The following CARF variants were observed in gnomAD, a reference collection of about 807,000 sequenced individuals.
CARF encodes calcium-responsive transcription factor.
A neutral mutation model predicts 82.0 loss-of-function variants in CARF; 57 were observed. The observed-to-expected ratio is 0.70, with a 90% CI of 0.56 to 0.87. CARF has a LOEUF of 0.87. Among genes scored for constraint, CARF ranks in the 40% least tolerant of loss-of-function variants. The pLI is 0.00. For missense variants in CARF, 771 were observed against 855.8 expected (o/e 0.90, Z 1.24); for synonymous variants, 268 against 290.1 (o/e 0.92, Z 0.77).
intron 8 of CARF, among the ~76,000 whole-genome samples, chr2:202,956,484 G>A (rs895835427): frequency 6.6e-6 from 1 of 152,004 alleles, no homozygotes; most frequent in African/African-American, 2.4e-5. Flanking sequence ...TCAAACTCCT[G>A]AGGTGATCTA....
At chr2:202,952,489 TTTAA>T (rs1414871181) in intron 5 of CARF, 66 bp from the exon 6 acceptor site, 10 of 1,406,258 alleles carry the variant, frequency 7.1e-6, no homozygotes, top group Admixed American at 1.9e-5. Context: ...TAATAATTTA[TTTAA>T]TTAATAATTT....
At position 202,918,056 on chromosome 2, in the gene CARF, A is replaced by T; in HGVS notation, c.-163+13A>T. Reference sequence around the variant, plus strand: ...CCACTATCTGAAGGTAATTTTTTTTAACTAATTGAAAGTAACAACTTTATT... The same window carrying T: ...CCACTATCTGAAGGTAATTTTTTTTTACTAATTGAAAGTAACAACTTTATT... On this transcript the variant is annotated intron_variant, in intron 2 of 16. Coordinates refer to ENST00000438828, the MANE Select transcript of CARF (RefSeq NM_024744.17). 2.2e-6 allele frequency: 1 copy of T among 447,002 alleles called. No individual in the cohort carries two copies. The highest frequency in any genetic ancestry group is 1.6e-5 in the South Asian group (1 of 61,666). The allele number at this position is 447,002 out of a possible 1,614,324, so 27.7% of individuals were successfully genotyped here.
chr2:202,979,836 T>C lies in CARF; in HGVS notation c.1559-1719T>C, dbSNP rs572076275. Among the ~76,000 whole-genome samples, 4 of 151,890 alleles carry C rather than the reference T, an allele frequency of 2.6e-5. No individual in the cohort carries two copies. The East Asian group carries it at 7.7e-4, about 29-fold the overall frequency. ...AGAAAGAAAAGAAAAGAAACTGAGTTATATAGCGTATTGAAGGTGACACAG... is the reference window on the plus strand; with the variant it reads ...AGAAAGAAAAGAAAAGAAACTGAGTCATATAGCGTATTGAAGGTGACACAG... On this transcript the variant is annotated intron_variant, in intron 14 of 16. Transcript: ENST00000438828.
At chr2:202,959,640 G>A (rs1161989328) in intron 8 of CARF, among the ~76,000 whole-genome samples, 2 of 151,994 alleles carry the variant, frequency 1.3e-5, no homozygotes, top group Non-Finnish European at 2.9e-5. Flanking sequence ...TCAACATGGC[G>A]AAACCCTGTC....
chr2:202,970,123 T>G, intron 11 of CARF, 61 bp downstream of exon 11: 2 of 1,399,012 alleles, frequency 1.4e-6, no homozygotes, highest in Non-Finnish European at 1.9e-6. Flanking sequence ...GCAAGAATTA[T>G]TTTGTAAGGG....
At chr2:202,971,865 A>G (rs1574762867) in intron 12 of CARF, 127 bp downstream of exon 12, 1 of 538,792 alleles carries the variant, frequency 1.9e-6, no homozygotes, top group East Asian at 3.1e-5. Flanking sequence ...ATAGTTTATT[A>G]ATTTATTAAA....
intron 2 of CARF, among the ~76,000 whole-genome samples, chr2:202,921,192 G>A (rs1690726318): frequency 6.6e-6 from 1 of 151,990 alleles, no homozygotes; most frequent in Admixed American, 6.6e-5. Context: ...TGGTAGAGAC[G>A]GGGTTTCACC....
intron 13 of CARF, 113 bp from the exon 14 acceptor site, chr2:202,977,155 TA>T (rs2060067476): frequency 1.1e-5 from 8 of 721,438 alleles, no homozygotes; most frequent in African/African-American, 1.8e-5. Context: ...GTGAAGAGAG[TA>T]GTTGCAGAAT....
chr2:202,982,603 G>A (rs1036923021), intron 16 of CARF, among the ~76,000 whole-genome samples, 162 bp downstream of exon 16: 5 of 151,998 alleles, frequency 3.3e-5, no homozygotes, highest in South Asian at 2.1e-4. Flanking sequence ...ATTACCCTGC[G>A]TTTCAGAACT....
rs1574650905 is a variant in CARF, at chr2:202,952,818, C to T, written c.427+139C>T. 7 of 831,962 alleles carry T rather than the reference C, an allele frequency of 8.4e-6. No individual in the cohort carries two copies. The East Asian group carries it at 2.0e-4, about 24-fold the overall frequency. The allele number at this position is 831,962 out of a possible 1,614,324, so 51.5% of individuals were successfully genotyped here. On this transcript the variant is annotated intron_variant, in intron 6 of 16. Coordinates refer to ENST00000438828, the MANE Select transcript of CARF (RefSeq NM_024744.17). ...TGAATTAAATAATTAGAAAACAGCT[C>T]TTTGCCCAAATAAATTCAAAGTTCA...
chr2:202,983,594 T>C lies in CARF; in HGVS notation c.2148T>C (p.Thr716=). The C allele has an allele frequency of 6.2e-7, 1 of 1,604,440 alleles. No homozygotes were observed. Among genetic ancestry groups the C allele is most frequent in the Non-Finnish European group, 8.5e-7 (1 of 1,173,028 alleles). ...EPALSMEAKK[T]VDYKKLSAT ...CATTGTCTATGGAAGCAAAAAAAACTGTGGACTATAAGAAATTATCTGCTA... is the reference window on the plus strand; with the variant it reads ...CATTGTCTATGGAAGCAAAAAAAACCGTGGACTATAAGAAATTATCTGCTA... Residue 716 remains threonine (T), a synonymous_variant, in exon 17 of 17, where the codon ACT becomes ACC. Coordinates refer to ENST00000438828, the MANE Select transcript of CARF (RefSeq NM_024744.17).
At chr2:202,916,493 T>C (rs540245904) in intron 1 of CARF, among the ~76,000 whole-genome samples, 1 of 152,314 alleles carries the variant, frequency 6.6e-6, no homozygotes, top group South Asian at 2.1e-4. Flanking sequence ...AGCAATACTT[T>C]TTAATGTAGT....
At chr2:202,956,282 GTC>G (rs978227920) in intron 8 of CARF, among the ~76,000 whole-genome samples, 2 of 151,952 alleles carry the variant, frequency 1.3e-5, no homozygotes, top group African/African-American at 4.8e-5. Context: ...TTGAGACAGA[GTC>G]TCCCTCTGTC....
rs1491098285 is a variant in CARF at position 202,986,868 on chromosome 2, G to GTATGTATATA, written c.*3247_*3248insGTATATATAT. ...AAAGAGGTTTAAAAAATGTCTGTGC[G>GTATGTATATA]TATATATATATATATATATATATAT... On this transcript the variant is annotated 3_prime_UTR_variant, in exon 17 of 17. Coordinates refer to ENST00000438828, the MANE Select transcript of CARF (RefSeq NM_024744.17). 4.4e-4 allele frequency: 13 copies of GTATGTATATA among 29,652 alleles called. No homozygotes were observed. Among genetic ancestry groups the GTATGTATATA allele is most frequent in the African/African-American group, 1.0e-3 (13 of 13,026 alleles). The allele number at this position is 29,652 out of a possible 1,614,324, so 1.8% of individuals were successfully genotyped here. A position where few individuals can be genotyped will look rare whatever the true frequency, so the allele number is the denominator to read the frequency against.
In CARF at chr2:202,974,626, T is replaced by C. The variant is rs747538150; in HGVS notation, c.1494+130T>C. The stretch of plus-strand genomic sequence containing the variant: ...ATAAGCAAATACAATAGGCCGGGCG[T>C]GGTGGCTCATGCCTGTAATCCCAAC... On this transcript the variant is annotated intron_variant, in intron 13 of 16. Transcript: ENST00000438828. 8.9e-5 allele frequency: 72 copies of C among 807,420 alleles called. No homozygotes were observed. In the Middle Eastern group the frequency reaches 4.0e-3, roughly 45 times the overall value. The allele number at this position is 807,420 out of a possible 1,614,324, so 50.0% of individuals were successfully genotyped here. A position where few individuals can be genotyped will look rare whatever the true frequency, so the allele number is the denominator to read the frequency against.
intron 9 of CARF, chr2:202,963,266 C>G (rs923457338): frequency 1.3e-5 from 2 of 150,802 alleles, no homozygotes; most frequent in Non-Finnish European, 2.9e-5. Context: ...TGCAGTGAGC[C>G]GAGATCATGC....
At chr2:202,968,740 C>T (rs1465645565) in intron 10 of CARF, among the ~76,000 whole-genome samples, 1 of 151,808 alleles carries the variant, frequency 6.6e-6, no homozygotes, top group Non-Finnish European at 1.5e-5. Flanking sequence ...GGAGGGAAAC[C>T]AAAAGAGGAA....
rs1244838131 is a variant in CARF, at chr2:202,977,259, C to G, written c.1495-10C>G. 6.3e-7 allele frequency: 1 copy of G among 1,590,422 alleles called. No individual in the cohort carries two copies. The highest frequency in any genetic ancestry group is 1.7e-5 in the Admixed American group (1 of 57,674). On this transcript the variant is annotated splice_polypyrimidine_tract_variant and intron_variant, in intron 13 of 16. Coordinates refer to ENST00000438828, the MANE Select transcript of CARF (RefSeq NM_024744.17). ...CTTTATTTTTACTGAAATAAATGTT[C>G]CCATTTCAGCTTCAATGGACTACAG...
At chr2:202,979,599 G>C (rs1337619416) in intron 14 of CARF, among the ~76,000 whole-genome samples, 2 of 151,982 alleles carry the variant, frequency 1.3e-5, no homozygotes, top group African/African-American at 4.8e-5. Flanking sequence ...TCAGAAGTTC[G>C]AGACTGGCCT....
Sources: allele counts gnomAD v4.1 joint callset (sites outside exome capture counted in the v4.1 genomes callset), GRCh38; gene constraint gnomAD v4.1.1; transcripts MANE v1.5; gene names NCBI Gene and HGNC (gene_info 2026-07-23, HGNC 2026-07-21).